DNAH7: variants seen among roughly 807,000 people sequenced by gnomAD.
DNAH7 encodes axonemal beta dynein heavy chain 7.
A neutral mutation model predicts 444.6 loss-of-function variants in DNAH7; 397 were observed. That is an observed-to-expected ratio of 0.89 (90% confidence interval 0.82 to 0.97). The LOEUF is 0.97. Ranked by LOEUF, DNAH7 falls within the 50% of genes least tolerant of loss-of-function variation. The probability of loss-of-function intolerance (pLI) is 0.00; values close to 1 mark genes in which losing one functional copy is unlikely to be tolerated. For missense variants in DNAH7, 4,902 were observed against 4,800.8 expected, an observed-to-expected ratio of 1.02 and a Z score of -0.62; for synonymous variants, 1,636 against 1,624.4, an observed-to-expected ratio of 1.01 and a Z score of -0.17.
intron 8 of DNAH7, among the ~76,000 whole-genome samples, chr2:196,020,455 A>G (rs985522287): frequency 6.6e-6 from 1 of 152,162 alleles, no homozygotes; most frequent in Non-Finnish European, 1.5e-5. Context: ...AGTAAGTTTA[A>G]TTCAATTTTT....
At chr2:195,833,232 C>T (rs777932903) in intron 48 of DNAH7, among the ~76,000 whole-genome samples, 2 of 152,298 alleles carry the variant, frequency 1.3e-5, no homozygotes, top group Non-Finnish European at 2.9e-5. Flanking sequence ...ATGCTAAGAA[C>T]ACCAATTAAA....
intron 47 of DNAH7, among the ~76,000 whole-genome samples, chr2:195,841,939 A>C (rs1275529632): frequency 6.6e-6 from 1 of 152,056 alleles, no homozygotes; most frequent in Non-Finnish European, 1.5e-5. Context: ...CAGCAGTTGC[A>C]CAGACCACAG....
intron 61 of DNAH7, among the ~76,000 whole-genome samples, chr2:195,758,434 A>G (rs1559076248): frequency 6.6e-6 from 1 of 152,158 alleles, no homozygotes; most frequent in Non-Finnish European, 1.5e-5. Flanking sequence ...TACATTTTAA[A>G]ATGTATTTAC....
rs1435733122 is a variant in DNAH7, at chr2:195,816,808, TTC to T, written c.9579_9580del (p.Lys3195AspfsTer2). 2.5e-6 allele frequency: 4 copies of T among 1,614,176 alleles called. No individual in the cohort carries two copies. In the Admixed American group the frequency reaches 6.7e-5, roughly 27 times the overall value. The stretch of plus-strand genomic sequence containing the variant: ...GCCCATGCGGGTGGTGTCAATCTTT[TTC>T]TCTGTCTCTTCGGCTACTTCCTGCT... On this transcript the variant is annotated frameshift_variant, in exon 51 of 65. Transcript: ENST00000312428. LOFTEE classifies it high-confidence loss of function.
At chr2:195,902,731 C>G (rs1333349010) in intron 27 of DNAH7, 1 of 152,100 alleles carries the variant, frequency 6.6e-6, no homozygotes, top group African/African-American at 2.4e-5. Flanking sequence ...AAACAAGTGT[C>G]AAGGGGTATC....
intron 40 of DNAH7, among the ~76,000 whole-genome samples, chr2:195,870,321 AG>A (rs988102007): frequency 3.3e-5 from 5 of 152,128 alleles, no homozygotes; most frequent in African/African-American, 9.7e-5. Flanking sequence ...TAAAAAATCA[AG>A]GGGGGTAGGG....
intron 8 of DNAH7, among the ~76,000 whole-genome samples, chr2:196,023,902 G>A (rs2125768837): frequency 6.6e-6 from 1 of 152,254 alleles, no homozygotes; most frequent in Admixed American, 6.5e-5. Context: ...CAGGGAATTA[G>A]GGAGGCCTTA....
chr2:195,890,931 C>T (rs1369872804), intron 31 of DNAH7, among the ~76,000 whole-genome samples: 1 of 152,204 alleles, frequency 6.6e-6, no homozygotes, highest in Non-Finnish European at 1.5e-5. Context: ...ACTTAAACGT[C>T]CTGAGCCTAG....
At chr2:195,985,361 T>C (rs1372827093) in intron 14 of DNAH7, among the ~76,000 whole-genome samples, 2 of 152,242 alleles carry the variant, frequency 1.3e-5, no homozygotes, top group Admixed American at 6.5e-5. Context: ...GCCTCCAACA[T>C]GTTTGTAACC....
chr2:195,753,527 T>C (rs571487084), intron 63 of DNAH7, among the ~76,000 whole-genome samples: 6 of 152,318 alleles, frequency 3.9e-5, no homozygotes, highest in Admixed American at 1.3e-4. Flanking sequence ...CAGTGCCTGA[T>C]AGAAGAGTGA....
intron 21 of DNAH7, among the ~76,000 whole-genome samples, chr2:195,930,408 C>CA (rs1225341946): frequency 1.3e-5 from 2 of 152,054 alleles, no homozygotes; most frequent in South Asian, 4.2e-4. Flanking sequence ...TACTAGTGAC[C>CA]AAAAAACATA....
At chr2:195,855,524 GAATA>G (rs1051658518) in intron 45 of DNAH7, among the ~76,000 whole-genome samples, 7 of 151,662 alleles carry the variant, frequency 4.6e-5, no homozygotes, top group African/African-American at 1.7e-4. Flanking sequence ...AAGGCCCAGA[GAATA>G]AATATTTTAG....
At chr2:195,985,604 A>C (rs941174244) in intron 14 of DNAH7, among the ~76,000 whole-genome samples, 3 of 151,808 alleles carry the variant, frequency 2.0e-5, no homozygotes, top group Non-Finnish European at 2.9e-5. Context: ...ATATCTAATG[A>C]CTCCTTTAAT....
chr2:196,003,308 G>A (rs1253299122), intron 10 of DNAH7, among the ~76,000 whole-genome samples: 1 of 152,124 alleles, frequency 6.6e-6, no homozygotes, highest in Non-Finnish European at 1.5e-5. Flanking sequence ...TAGAAAACAG[G>A]AAGAAATACA....
At chr2:195,763,485 C>CT (rs995683764) in intron 61 of DNAH7, among the ~76,000 whole-genome samples, 7 of 151,482 alleles carry the variant, frequency 4.6e-5, no homozygotes, top group African/African-American at 1.7e-4. Context: ...TTCAGCCAAA[C>CT]TAAGAAAATA....
chr2:195,864,162 A>G lies in DNAH7; in HGVS notation c.7493T>C (p.Ile2498Thr), dbSNP rs200303203. The change falls in exon 41 of 65, where the codon ATT becomes ACT. Residue 2498 changes from isoleucine to threonine, a missense_variant. Transcript: ENST00000312428. The part of the protein sequence containing the change: ...KFPALVNCCT[I>T]DWFQSWPEDA... ...ACATGACAATACCTGAAACCAGTCA[A>G]TGGTACAGCAGTTAACAAGAGCAGG... 5.0e-3 allele frequency: 7,999 copies of G among 1,612,886 alleles called. 41 individuals are homozygous for G. The highest frequency in any genetic ancestry group is 0.01 in the South Asian group (922 of 91,072).
intron 61 of DNAH7, among the ~76,000 whole-genome samples, chr2:195,770,564 C>G (rs1351821517): frequency 6.6e-6 from 1 of 152,052 alleles, no homozygotes; most frequent in African/African-American, 2.4e-5. Context: ...CTGAAACGTT[C>G]CATGGATTGC....
intron 10 of DNAH7, among the ~76,000 whole-genome samples, 158 bp from the exon 11 acceptor site, chr2:196,002,016 T>G (rs1050175015): frequency 2.0e-5 from 3 of 152,192 alleles, no homozygotes; most frequent in Non-Finnish European, 4.4e-5. Flanking sequence ...TGTTAAAATA[T>G]GTCACTTCTA....
chr2:196,058,264 T>A, intron 1 of DNAH7, 148 bp from the exon 2 acceptor site: 1 of 488,870 alleles, frequency 2.0e-6, no homozygotes, highest in Non-Finnish European at 3.5e-6. Flanking sequence ...TCTTATATAC[T>A]GAAAATCTTA....
Sources: gnomAD v4.1 joint callset for allele counts (sites outside exome capture counted in the v4.1 genomes callset) on GRCh38, gnomAD v4.1.1 for gene constraint, MANE v1.5 for transcripts, NCBI Gene and HGNC (gene_info 2026-07-23, HGNC 2026-07-21) for gene names.